DNAI1: variants seen among roughly 807,000 people sequenced by gnomAD.
The protein encoded by DNAI1 is dynein axonemal intermediate chain 1, also known as dynein, axonemal, intermediate polypeptide 1.
Under a neutral mutation model 92.0 loss-of-function variants are expected in DNAI1, and 67 were observed. That is an observed-to-expected ratio of 0.73 (90% CI 0.60 to 0.89). DNAI1 has a LOEUF of 0.89. DNAI1 is among the 40% of genes least tolerant of loss of function. DNAI1 has a pLI of 0.00. For synonymous variants in DNAI1, 323 were observed against 319.6 expected (o/e 1.01, Z -0.11); for missense variants, 839 against 866.6 (o/e 0.97, Z 0.40).
At position 34,511,726 on chromosome 9, in the gene DNAI1, G is replaced by A. The variant is rs532889065; in HGVS notation, c.1312-383G>A. Among the ~76,000 whole-genome samples the A allele has an allele frequency of 5.9e-5, 9 of 152,252 alleles. No homozygotes were observed. The South Asian group carries it at 1.9e-3, about 32-fold the overall frequency. ...TTATAAACAGGAAACTGGTTGATGG[G>A]CCCTGTTCTTTCCAGGCCATGTTTA... On this transcript the variant is annotated intron_variant, in intron 13 of 19. Coordinates refer to ENST00000242317, the MANE Select transcript of DNAI1 (RefSeq NM_012144.4).
intron 1 of DNAI1, among the ~76,000 whole-genome samples, chr9:34,466,888 C>G (rs1222207726): frequency 6.6e-6 from 1 of 152,294 alleles, no homozygotes; most frequent in South Asian, 2.1e-4. Context: ...ACCTCTCTAC[C>G]TCACAAACAT....
At chr9:34,491,997 C>G (rs1179631531) in intron 8 of DNAI1, among the ~76,000 whole-genome samples, 2 of 152,160 alleles carry the variant, frequency 1.3e-5, no homozygotes, top group Admixed American at 1.3e-4. Context: ...GATGGCCACA[C>G]TTATTTGAAC....
At chr9:34,496,012 G>A (rs1212290224) in intron 9 of DNAI1, among the ~76,000 whole-genome samples, 2 of 152,108 alleles carry the variant, frequency 1.3e-5, no homozygotes, top group African/African-American at 4.8e-5. Context: ...ATAACCCTTC[G>A]CTGCACTACT....
intron 19 of DNAI1, 43 bp from the exon 20 acceptor site, chr9:34,520,615 G>C (rs879283906): frequency 6.5e-6 from 10 of 1,531,656 alleles, no homozygotes; most frequent in Non-Finnish European, 8.9e-6. Context: ...CAGAGAGGGG[G>C]GGCCCACCAT....
intron 19 of DNAI1, among the ~76,000 whole-genome samples, chr9:34,518,371 G>A (rs1825209795): frequency 6.6e-6 from 1 of 152,244 alleles, no homozygotes; most frequent in Non-Finnish European, 1.5e-5. Context: ...CATCCCTCTG[G>A]TGCTGGCTTG....
At chr9:34,466,636 A>G (rs766223174) in intron 1 of DNAI1, among the ~76,000 whole-genome samples, 1 of 152,220 alleles carries the variant, frequency 6.6e-6, no homozygotes, top group Non-Finnish European at 1.5e-5. Flanking sequence ...GGGAGAAGGT[A>G]TATATGTGGG....
chr9:34,475,826 C>T (rs1824225710), intron 1 of DNAI1, among the ~76,000 whole-genome samples: 1 of 152,116 alleles, frequency 6.6e-6, no homozygotes, highest in Non-Finnish European at 1.5e-5. Context: ...ATCACATACT[C>T]ATTTTTAAAA....
chr9:34,468,400 A>G (rs1284701608), intron 1 of DNAI1, among the ~76,000 whole-genome samples: 1 of 150,146 alleles, frequency 6.7e-6, no homozygotes, highest in Non-Finnish European at 1.5e-5. Flanking sequence ...CATGTTAGCC[A>G]GGATGGTCTC....
At chr9:34,467,161 G>A (rs1588087845) in intron 1 of DNAI1, among the ~76,000 whole-genome samples, 4 of 152,154 alleles carry the variant, frequency 2.6e-5, no homozygotes, top group African/African-American at 7.2e-5. Context: ...AATTGTGCGG[G>A]AAGGGGCCTC....
rs1473967248 is a variant in DNAI1 at position 34,514,711 on chromosome 9, T to A, written c.1790T>A (p.Val597Glu). Residue 597 changes from valine to glutamate, a missense_variant, in exon 18 of 20, where the codon GTG becomes GAG. Physicochemically the swap from Val to Glu is moderately radical, Grantham distance 121. Transcript: ENST00000242317. ...DVAWAPYSST[V>E]FAAVTTDGKA... ...GCCTGGGCGCCATACTCTTCTACTGTGTTCGCAGCAGTCACCACAGATGGG... is the reference window on the plus strand; with the variant it reads ...GCCTGGGCGCCATACTCTTCTACTGAGTTCGCAGCAGTCACCACAGATGGG... 1 of 1,614,134 alleles carries A rather than the reference T, an allele frequency of 6.2e-7. No individual in the cohort carries two copies. The highest frequency in any genetic ancestry group is 1.3e-5 in the African/African-American group (1 of 75,056).
intron 7 of DNAI1, 22 bp downstream of exon 7, chr9:34,490,510 C>G (rs1824567155): frequency 1.2e-6 from 2 of 1,613,536 alleles, no homozygotes; most frequent in Non-Finnish European, 1.7e-6. Context: ...CCCACCCTAG[C>G]CCCTTTGCAG....
At chr9:34,491,203 G>A (rs754165117) in intron 7 of DNAI1, 14 of 500,750 alleles carry the variant, frequency 2.8e-5, no homozygotes, top group Non-Finnish European at 4.4e-5. Context: ...CTGGCATCCT[G>A]CAGGTCTGTT....
intron 1 of DNAI1, among the ~76,000 whole-genome samples, chr9:34,480,890 G>C (rs868845143): frequency 2.6e-4 from 40 of 152,222 alleles, no homozygotes; most frequent in African/African-American, 8.7e-4. Context: ...AGGTTGCAGT[G>C]AGCTGAGATG....
At chr9:34,493,081 A>C in intron 8 of DNAI1, 113 bp from the exon 9 acceptor site, 1 of 1,409,636 alleles carries the variant, frequency 7.1e-7, no homozygotes, top group Non-Finnish European at 1.0e-6. Flanking sequence ...CAAGTAGAAG[A>C]TGCTTGTTGC....
intron 1 of DNAI1, among the ~76,000 whole-genome samples, chr9:34,476,381 T>G (rs1824237115): frequency 6.6e-6 from 1 of 152,230 alleles, no homozygotes; most frequent in Non-Finnish European, 1.5e-5. Flanking sequence ...CTTTCCAGAC[T>G]TCTTTGGGAC....
chr9:34,496,619 C>T (rs1824729917), intron 9 of DNAI1, among the ~76,000 whole-genome samples: 1 of 152,168 alleles, frequency 6.6e-6, no homozygotes, highest in African/African-American at 2.4e-5. Flanking sequence ...ATGTCTCTCC[C>T]CTCTTTGGGC....
chr9:34,506,362 T>C (rs1167293769), intron 12 of DNAI1, among the ~76,000 whole-genome samples: 4 of 152,204 alleles, frequency 2.6e-5, no homozygotes, highest in Admixed American at 6.5e-5. Flanking sequence ...GCATCCCCCT[T>C]TCCTGCACCT....
At chr9:34,509,580 A>T (rs941329876) in intron 13 of DNAI1, among the ~76,000 whole-genome samples, 2 of 151,400 alleles carry the variant, frequency 1.3e-5, no homozygotes, top group Non-Finnish European at 2.9e-5. Flanking sequence ...CTGCCCAGCC[A>T]TCAGAGAGTT....
In DNAI1 at chr9:34,490,505, C is replaced by G. The variant is rs1824566968; in HGVS notation, c.621+17C>G. On this transcript the variant is annotated intron_variant, in intron 7 of 19. Coordinates refer to ENST00000242317, the MANE Select transcript of DNAI1 (RefSeq NM_012144.4). The stretch of plus-strand genomic sequence containing the variant: ...CCTGTCCGGGTAGAGCAGCCCCCAC[C>G]CTAGCCCCTTTGCAGCTCTTCACTG... 2 of 1,613,766 alleles carry G rather than the reference C, an allele frequency of 1.2e-6. No homozygotes were observed. The highest frequency in any genetic ancestry group is 2.2e-5 in the South Asian group (2 of 91,074).
Sources: allele counts gnomAD v4.1 joint callset (sites outside exome capture counted in the v4.1 genomes callset), GRCh38; gene constraint gnomAD v4.1.1; transcripts MANE v1.5; gene names NCBI Gene and HGNC (gene_info 2026-07-23, HGNC 2026-07-21).